The following VIRMA variants were observed in gnomAD, a reference collection of about 807,000 sequenced individuals.
VIRMA encodes the protein vir like m6A methyltransferase associated, also known as protein virilizer homolog.
In VIRMA, 65 loss-of-function variants were observed where a neutral mutation model predicts 182.4. The observed-to-expected ratio is 0.36, with a 90% CI of 0.29 to 0.44. VIRMA has a LOEUF of 0.44. Ranked by LOEUF, VIRMA falls within the 20% of genes least tolerant of loss-of-function variation. The pLI is 1.00. For synonymous variants in VIRMA, 709 were observed against 743.1 expected (o/e 0.95, Z 0.75); for missense variants, 1,752 against 2,158.1 (o/e 0.81, Z 3.73).
Position 94,494,749 on chromosome 8 carries a change from C to A in VIRMA, c.4641+111G>T. 4.5e-6 allele frequency: 3 copies of A among 665,132 alleles called. No homozygotes were observed. In the South Asian group the frequency reaches 6.8e-5, roughly 15 times the overall value. 41.2% of individuals were successfully genotyped at this position (665,132 alleles called of 1,614,324 possible). On this transcript the variant is annotated intron_variant, in intron 20 of 23. Transcript: ENST00000297591. ...CATAAAAATAATGTAGGACTTGCTT[C>A]CAAGTAGACTTTAACAGCCATAAAA...
At chr8:94,519,505 A>G in intron 8 of VIRMA, 29 bp from the exon 9 acceptor site, 2 of 1,516,146 alleles carry the variant, frequency 1.3e-6, no homozygotes, top group Non-Finnish European at 1.8e-6. Context: ...ATACATGTCA[A>G]GTCAGTGCAA....
intron 7 of VIRMA, among the ~76,000 whole-genome samples, chr8:94,528,051 G>A (rs960916115): frequency 6.6e-6 from 1 of 151,936 alleles, no homozygotes; most frequent in African/African-American, 2.4e-5. Flanking sequence ...TGGCCAACAT[G>A]GTGAAACCCT....
chr8:94,508,102 T>C (rs980037946), intron 15 of VIRMA, among the ~76,000 whole-genome samples: 1 of 152,112 alleles, frequency 6.6e-6, no homozygotes, highest in African/African-American at 2.4e-5. Flanking sequence ...AAACTGAATT[T>C]TTTTTTGAGA....
At chr8:94,518,931 G>C in intron 9 of VIRMA, 54 bp downstream of exon 9, 1 of 1,464,750 alleles carries the variant, frequency 6.8e-7, no homozygotes, top group South Asian at 1.3e-5. Context: ...TAGACCATTA[G>C]TTAATCTGAT....
rs1366438402 is a variant in VIRMA at position 94,546,959 on chromosome 8, G to C, written c.64-3017C>G. Reference sequence around the variant, plus strand: ...CTTACCATGCTTTTCTCATTTTTATGCCCTCACTCATGATGTTCTCTCTGC... The same window carrying C: ...CTTACCATGCTTTTCTCATTTTTATCCCCTCACTCATGATGTTCTCTCTGC... On this transcript the variant is annotated intron_variant, in intron 1 of 23. Coordinates refer to ENST00000297591, the MANE Select transcript of VIRMA (RefSeq NM_015496.5). The C allele has an allele frequency of 6.6e-6, 3 of 455,084 alleles. No individual in the cohort carries two copies. In the Admixed American group the frequency reaches 7.1e-5, roughly 11 times the overall value. The allele number at this position is 455,084 out of a possible 1,614,324, so 28.2% of individuals were successfully genotyped here.
At chr8:94,534,801 A>G (rs750453341) in intron 5 of VIRMA, 38 bp downstream of exon 5, 14 of 1,604,014 alleles carry the variant, frequency 8.7e-6, no homozygotes, top group East Asian at 6.7e-5. Context: ...AACCACGGAT[A>G]TAAGTTTCAC....
intron 2 of VIRMA, among the ~76,000 whole-genome samples, chr8:94,540,527 C>T (rs1412457315): frequency 2.8e-5 from 4 of 144,384 alleles, no homozygotes; most frequent in East Asian, 2.0e-4. Context: ...TGCAGTGGTA[C>T]GATCTCAGCT....
intron 2 of VIRMA, among the ~76,000 whole-genome samples, chr8:94,540,420 C>G (rs1815497828): frequency 6.6e-6 from 1 of 151,416 alleles, no homozygotes. Context: ...CCCAACAACT[C>G]TAGTCTCTTC....
intron 16 of VIRMA, among the ~76,000 whole-genome samples, chr8:94,505,146 G>A (rs1814111259): frequency 6.6e-6 from 1 of 152,174 alleles, no homozygotes; most frequent in African/African-American, 2.4e-5. Flanking sequence ...ATGAGGAATG[G>A]ATGTGAAGCA....
chr8:94,549,377 C>G (rs541795927), intron 1 of VIRMA, among the ~76,000 whole-genome samples: 1 of 152,290 alleles, frequency 6.6e-6, no homozygotes, highest in Admixed American at 6.5e-5. Context: ...ATTGCCCCTC[C>G]TAAAGCCATA....
At chr8:94,500,876 T>A (rs550589193) in intron 16 of VIRMA, among the ~76,000 whole-genome samples, 1 of 152,060 alleles carries the variant, frequency 6.6e-6, no homozygotes, top group Non-Finnish European at 1.5e-5. Flanking sequence ...AAGAACTACA[T>A]GACTCTAAGC....
intron 2 of VIRMA, among the ~76,000 whole-genome samples, chr8:94,540,567 T>A (rs1815512889): frequency 1.3e-5 from 2 of 150,894 alleles, no homozygotes; most frequent in Non-Finnish European, 1.5e-5. Flanking sequence ...CAGGTTCAAG[T>A]GATCCTACCT....
intron 10 of VIRMA, 49 bp from the exon 11 acceptor site, chr8:94,515,000 A>G (rs781204307): frequency 2.2e-6 from 2 of 906,856 alleles, no homozygotes; most frequent in Non-Finnish European, 3.3e-6. Context: ...AGGCTTTATA[A>G]CAAAGAAAGT....
At chr8:94,542,918 T>C (rs1815611676) in intron 2 of VIRMA, among the ~76,000 whole-genome samples, 1 of 152,128 alleles carries the variant, frequency 6.6e-6, no homozygotes, top group South Asian at 2.1e-4. Context: ...TAACTCTTTT[T>C]CTTTTTTTTG....
chr8:94,537,090 C>T lies in VIRMA; in HGVS notation c.315+13G>A. The T allele has an allele frequency of 3.2e-6, 5 of 1,574,996 alleles. No individual in the cohort carries two copies. Among genetic ancestry groups the T allele is most frequent in the Non-Finnish European group, 4.4e-6 (5 of 1,144,572 alleles). ...ATAGTAATGACAAGCTGAAAACTGA[C>T]TTCCAGAATTACCTTTGAGTTAGGT... On this transcript the variant is annotated intron_variant, in intron 4 of 23. Transcript: ENST00000297591.
chr8:94,502,930 T>G (rs1359565101), intron 16 of VIRMA, among the ~76,000 whole-genome samples: 1 of 151,026 alleles, frequency 6.6e-6, no homozygotes, highest in Non-Finnish European at 1.5e-5. Context: ...GTGGCCAGAG[T>G]TGGAATAAGA....
At position 94,494,883 on chromosome 8, in the gene VIRMA, C is replaced by G; in HGVS notation, c.4618G>C (p.Glu1540Gln). Residue 1540 changes from glutamate to glutamine, a missense_variant, in exon 20 of 24, where the codon GAG becomes CAG. By Grantham distance (29) the Glu-to-Gln change is conservative. Coordinates refer to ENST00000297591, the MANE Select transcript of VIRMA (RefSeq NM_015496.5). ...SMWFTPFQAEEIDTDLDLVKV... is the reference protein window; with the variant it reads ...SMWFTPFQAEQIDTDLDLVKV... ...ACCAAATCCAGATCTGTATCTATCT[C>G]TTCAGCCTGAAATGGAGTGAACCAC... 1 of 1,600,396 alleles carries G rather than the reference C, an allele frequency of 6.2e-7. No homozygotes were observed.
chr8:94,491,332 G>A (rs934370062), intron 22 of VIRMA, among the ~76,000 whole-genome samples: 1 of 151,674 alleles, frequency 6.6e-6, no homozygotes, highest in Non-Finnish European at 1.5e-5. Context: ...AAAGGCCGGG[G>A]GGAATAATTA....
intron 15 of VIRMA, among the ~76,000 whole-genome samples, chr8:94,507,927 A>ATG (rs1204801079): frequency 3.4e-5 from 5 of 148,672 alleles, no homozygotes; most frequent in South Asian, 4.2e-4. Flanking sequence ...GTATATATGT[A>ATG]TGTACATATG....
Sources: gnomAD v4.1 joint callset for allele counts (sites outside exome capture counted in the v4.1 genomes callset) on GRCh38, gnomAD v4.1.1 for gene constraint, MANE v1.5 for transcripts, NCBI Gene and HGNC (gene_info 2026-07-23, HGNC 2026-07-21) for gene names.